Variants in ATP2B2 observed in about 807,000 individuals in gnomAD.
ATP2B2 encodes the protein plasma membrane calcium-transporting ATPase 2.
ATP2B2 carries 15 observed loss-of-function variants against 120.0 expected under a neutral mutation model. That is an observed-to-expected ratio of 0.12 (90% confidence interval 0.08 to 0.19). The LOEUF is 0.19. ATP2B2 is among the 10% of genes least tolerant of loss of function. The pLI is 1.00. For synonymous variants in ATP2B2, 694 were observed against 700.3 expected, an observed-to-expected ratio of 0.99 and a Z score of 0.14; for missense variants, 1,045 against 1,719.8, an observed-to-expected ratio of 0.61 and a Z score of 6.94.
At chr3:10,485,023 T>C (rs988148895) in intron 1 of ATP2B2, among the ~76,000 whole-genome samples, 3 of 152,072 alleles carry the variant, frequency 2.0e-5, no homozygotes, top group Admixed American at 2.0e-4. Context: ...GCAGACCCCC[T>C]CTGTGAAAGG....
At chr3:10,563,975 A>G (rs1225169041) in intron 2 of ATP2B2, among the ~76,000 whole-genome samples, 1 of 152,070 alleles carries the variant, frequency 6.6e-6, no homozygotes, top group African/African-American at 2.4e-5. Context: ...ACTCAGTTCC[A>G]CCTTGTAACT....
intron 8 of ATP2B2, among the ~76,000 whole-genome samples, chr3:10,383,851 C>CT (rs2061597735): frequency 6.6e-6 from 1 of 152,126 alleles, no homozygotes; most frequent in Admixed American, 6.6e-5. Flanking sequence ...TAAAGCTGCC[C>CT]TTTTTTCTGA....
intron 5 of ATP2B2, among the ~76,000 whole-genome samples, chr3:10,392,308 G>C (rs942234020): frequency 1.3e-5 from 2 of 152,252 alleles, no homozygotes; most frequent in African/African-American, 4.8e-5. Flanking sequence ...ATGTTTTGCA[G>C]AGGGTCACAT....
intron 2 of ATP2B2, among the ~76,000 whole-genome samples, chr3:10,421,490 C>T (rs1230294407): frequency 1.3e-5 from 2 of 152,212 alleles, no homozygotes; most frequent in Non-Finnish European, 2.9e-5. Context: ...CCCTTTGTCT[C>T]CTACTGGTGG....
At chr3:10,475,833 C>T (rs546786644) in intron 1 of ATP2B2, among the ~76,000 whole-genome samples, 1 of 152,294 alleles carries the variant, frequency 6.6e-6, no homozygotes, top group African/African-American at 2.4e-5. Context: ...GCCCTGCAGT[C>T]GGTTGATTCT....
intron 2 of ATP2B2, among the ~76,000 whole-genome samples, chr3:10,548,955 T>A (rs1451783669): frequency 6.6e-6 from 1 of 152,222 alleles, no homozygotes; most frequent in Non-Finnish European, 1.5e-5. Flanking sequence ...AGACTGAGCA[T>A]CTAATGAGAT....
At chr3:10,368,384 A>G (rs939287877) in intron 12 of ATP2B2, among the ~76,000 whole-genome samples, 2 of 152,140 alleles carry the variant, frequency 1.3e-5, no homozygotes, top group Non-Finnish European at 2.9e-5. Flanking sequence ...ATTAGAAGGT[A>G]GAGACATCAG....
chr3:10,428,457 C>T (rs1052517685), intron 2 of ATP2B2, among the ~76,000 whole-genome samples: 2 of 152,164 alleles, frequency 1.3e-5, no homozygotes, highest in African/African-American at 4.8e-5. Context: ...GATCCTCTTG[C>T]CTCCCCAGGT....
At chr3:10,521,231 C>G (rs937692684) in intron 3 of ATP2B2, among the ~76,000 whole-genome samples, 1 of 152,366 alleles carries the variant, frequency 6.6e-6, no homozygotes, top group South Asian at 2.1e-4. Flanking sequence ...TGCCCCCACA[C>G]AAATCCTCAC....
chr3:10,397,527 C>T (rs1298185410), intron 5 of ATP2B2, among the ~76,000 whole-genome samples: 1 of 152,146 alleles, frequency 6.6e-6, no homozygotes, highest in Non-Finnish European at 1.5e-5. Flanking sequence ...GGGGTGACTG[C>T]CACAGGGCAG....
intron 1 of ATP2B2, among the ~76,000 whole-genome samples, chr3:10,464,255 G>A (rs879562591): frequency 5.9e-5 from 9 of 152,172 alleles, no homozygotes; most frequent in Non-Finnish European, 8.8e-5. Flanking sequence ...GCGACAGAAG[G>A]GGGTGCGGGT....
chr3:10,684,783 C>G (rs1423936473), intron 1 of ATP2B2, among the ~76,000 whole-genome samples: 1 of 152,218 alleles, frequency 6.6e-6, no homozygotes, highest in Non-Finnish European at 1.5e-5. Context: ...ACACTAGCAA[C>G]AAAGTCTAAT....
At chr3:10,528,011 C>T (rs912779266) in intron 3 of ATP2B2, among the ~76,000 whole-genome samples, 1 of 152,096 alleles carries the variant, frequency 6.6e-6, no homozygotes, top group Non-Finnish European at 1.5e-5. Flanking sequence ...TGTGGGCTGG[C>T]CTTCACAGTG....
chr3:10,689,371 A>G (rs2071602127), intron 1 of ATP2B2, among the ~76,000 whole-genome samples: 2 of 152,148 alleles, frequency 1.3e-5, no homozygotes, highest in Admixed American at 1.3e-4. Flanking sequence ...AAAGGCATCT[A>G]TTTCACAGAA....
chr3:10,434,732 C>T (rs999669211), intron 2 of ATP2B2, among the ~76,000 whole-genome samples: 2 of 152,270 alleles, frequency 1.3e-5, no homozygotes, highest in African/African-American at 4.8e-5. Context: ...CAGCCTCCAA[C>T]CCCTGGGTCT....
intron 3 of ATP2B2, among the ~76,000 whole-genome samples, chr3:10,408,329 G>T (rs570299657): frequency 6.6e-6 from 1 of 152,046 alleles, no homozygotes; most frequent in African/African-American, 2.4e-5. Flanking sequence ...CTGTCTCAGG[G>T]TTTTTTGTTT....
intron 2 of ATP2B2, among the ~76,000 whole-genome samples, chr3:10,577,690 C>T (rs1461192989): frequency 2.0e-5 from 3 of 152,218 alleles, no homozygotes; most frequent in African/African-American, 4.8e-5. Context: ...CTGCCAGCTC[C>T]CAAAAGAACA....
intron 1 of ATP2B2, among the ~76,000 whole-genome samples, chr3:10,489,626 C>T (rs1347065063): frequency 6.6e-6 from 1 of 152,146 alleles, no homozygotes; most frequent in Non-Finnish European, 1.5e-5. Flanking sequence ...TCACTGCCTG[C>T]TGTGACTCAC....
intron 1 of ATP2B2, among the ~76,000 whole-genome samples, chr3:10,642,290 A>T (rs2070194794): frequency 6.6e-6 from 1 of 152,200 alleles, no homozygotes; most frequent in East Asian, 1.9e-4. Flanking sequence ...TTTGAACAGT[A>T]CCTGGCGTGT....
Sources: gnomAD v4.1 joint callset for allele counts (sites outside exome capture counted in the v4.1 genomes callset) on GRCh38, gnomAD v4.1.1 for gene constraint, MANE v1.5 for transcripts, NCBI Gene and HGNC (gene_info 2026-07-23, HGNC 2026-07-21) for gene names.